BMPER: variants seen among roughly 807,000 people sequenced by gnomAD.
BMPER encodes BMP binding endothelial regulator, also known as BMP-binding endothelial regulator protein.
In BMPER, 45 loss-of-function variants were observed where a neutral mutation model predicts 87.3. The ratio of observed to expected loss-of-function variants is 0.52; its 90% CI spans 0.41 to 0.66. The LOEUF (loss-of-function observed/expected upper bound fraction) is 0.66, where lower values mean the gene tolerates loss of function less well. Ranked by LOEUF, BMPER falls within the 30% of genes least tolerant of loss-of-function variation. The pLI is 0.00. For synonymous variants in BMPER, 326 were observed against 316.2 expected (o/e 1.03, Z -0.33); for missense variants, 784 against 867.5 (o/e 0.90, Z 1.21).
Position 34,074,937 on chromosome 7 carries a change from C to G in BMPER, c.1079-3920C>G, listed in dbSNP as rs868799733. Reference sequence around the variant, plus strand: ...GAAACATGAATGATGCTTTTTCCCCCTTCCTTATGCTTTTATGTTTTTGTT... The same window carrying G: ...GAAACATGAATGATGCTTTTTCCCCGTTCCTTATGCTTTTATGTTTTTGTT... On this transcript the variant is annotated intron_variant, in intron 11 of 14. Transcript: ENST00000649409. Among the ~76,000 whole-genome samples, 148 of 152,210 alleles carry G rather than the reference C, an allele frequency of 9.7e-4. 1 individual carries two copies. In the Middle Eastern group the frequency reaches 0.01, roughly 11 times the overall value.
intron 3 of BMPER, among the ~76,000 whole-genome samples, chr7:33,962,376 T>C (rs778119656): frequency 6.6e-6 from 1 of 152,138 alleles, no homozygotes; most frequent in Non-Finnish European, 1.5e-5. Context: ...AGGCTCATTG[T>C]TGTATTATTT....
In BMPER at chr7:34,143,258, C is replaced by A; in HGVS notation, c.1774C>A (p.Pro592Thr). 1 of 1,614,042 alleles carries A rather than the reference C, an allele frequency of 6.2e-7. No individual in the cohort carries two copies. Among genetic ancestry groups the A allele is most frequent in the Non-Finnish European group, 8.5e-7 (1 of 1,179,970 alleles). Residue 592 changes from proline (P) to threonine (T), a missense_variant, in exon 14 of 15, where the codon CCA (proline) becomes ACA (threonine). By Grantham distance (38) the Pro-to-Thr change is conservative. Transcript: ENST00000649409. ...RSCVTDMCEC[P>T]VHKNCYCESF... ...CTGTGTGACAGACATGTGTGAATGTCCAGTCCATAAAAACTGTTATTGCGA... is the reference window on the plus strand; with the variant it reads ...CTGTGTGACAGACATGTGTGAATGTACAGTCCATAAAAACTGTTATTGCGA...
intron 5 of BMPER, among the ~76,000 whole-genome samples, chr7:33,971,620 A>G (rs927035234): frequency 6.6e-6 from 1 of 152,162 alleles, no homozygotes; most frequent in South Asian, 2.1e-4. Flanking sequence ...TTAGATGCCT[A>G]CAGTATCTTT....
intron 6 of BMPER, among the ~76,000 whole-genome samples, chr7:33,976,197 G>A (rs1362207698): frequency 6.6e-6 from 1 of 151,730 alleles, no homozygotes; most frequent in African/African-American, 2.4e-5. Flanking sequence ...CTGTCTCCCA[G>A]GCTGCAGTGC....
intron 6 of BMPER, among the ~76,000 whole-genome samples, chr7:34,031,255 A>G (rs1470431914): frequency 1.3e-5 from 2 of 152,122 alleles, no homozygotes; most frequent in Non-Finnish European, 2.9e-5. Flanking sequence ...AGGGAACACC[A>G]ATCTGTTTGT....
rs756265693 is a variant in BMPER at position 34,046,377 on chromosome 7, C to T, written c.648C>T (p.Pro216=). Residue 216 remains proline, a synonymous_variant, in exon 7 of 15, where the codon CCC becomes CCT. Transcript: ENST00000649409. ...LSCPQHLSHI[P]PGQCCPKCLG... ...GTCCCCAGCACCTTAGTCACATACC[C>T]CCAGGACAGTGCTGCCCCAAATGTT... The T allele has an allele frequency of 1.2e-6, 2 of 1,613,998 alleles. No homozygotes were observed. The highest frequency in any genetic ancestry group is 8.5e-7 in the Non-Finnish European group (1 of 1,179,934).
chr7:34,046,690 CT>C (rs781571361), intron 7 of BMPER, among the ~76,000 whole-genome samples: 17 of 152,278 alleles, frequency 1.1e-4, no homozygotes, highest in Non-Finnish European at 2.2e-4. Context: ...ATCAAAGAAA[CT>C]ATCTTTAATA....
chr7:34,148,183 T>A (rs1410924599), intron 14 of BMPER, among the ~76,000 whole-genome samples: 1 of 152,122 alleles, frequency 6.6e-6, no homozygotes, highest in African/African-American at 2.4e-5. Flanking sequence ...TACCCCTACC[T>A]TTGTTCCTGC....
In BMPER at chr7:33,927,375, A is replaced by G. The variant is rs1354242253; in HGVS notation, c.220-9914A>G. On this transcript the variant is annotated intron_variant, in intron 2 of 14. Coordinates refer to ENST00000649409, the MANE Select transcript of BMPER (RefSeq NM_001365308.1). The stretch of plus-strand genomic sequence containing the variant: ...CTGATGACAAGAGTGACAACCTTCC[A>G]GGGCTGGCCTCACAGAGATATGGTT... Among the ~76,000 whole-genome samples the G allele has an allele frequency of 2.6e-5, 4 of 152,326 alleles. No homozygotes were observed. The East Asian group carries it at 5.8e-4, about 22-fold the overall frequency.
chr7:34,114,713 T>C (rs1790064967), intron 13 of BMPER, among the ~76,000 whole-genome samples: 1 of 152,186 alleles, frequency 6.6e-6, no homozygotes, highest in Non-Finnish European at 1.5e-5. Flanking sequence ...GAAGGCATCC[T>C]GAGGAAGGTA....
chr7:33,998,319 G>A (rs969829525), intron 6 of BMPER, among the ~76,000 whole-genome samples: 1 of 152,158 alleles, frequency 6.6e-6, no homozygotes, highest in Non-Finnish European at 1.5e-5. Flanking sequence ...CGTTATCCTT[G>A]TTCTGGTTTA....
chr7:34,004,702 T>C (rs1206976804), intron 6 of BMPER, among the ~76,000 whole-genome samples: 2 of 152,150 alleles, frequency 1.3e-5, no homozygotes, highest in Non-Finnish European at 2.9e-5. Flanking sequence ...ATTGACTGGA[T>C]AGAGATTTCC....
chr7:34,014,614 C>T (rs1318764971), intron 6 of BMPER, among the ~76,000 whole-genome samples: 1 of 151,860 alleles, frequency 6.6e-6, no homozygotes, highest in Admixed American at 6.6e-5. Flanking sequence ...TGTGGAATTT[C>T]CTCCCCATCT....
At chr7:34,139,985 G>T (rs1790821784) in intron 13 of BMPER, among the ~76,000 whole-genome samples, 1 of 152,060 alleles carries the variant, frequency 6.6e-6, no homozygotes, top group African/African-American at 2.4e-5. Context: ...ACCTTTCTCT[G>T]GGCTGTGTAT....
chr7:34,013,504 A>T (rs935099551), intron 6 of BMPER, among the ~76,000 whole-genome samples: 17 of 151,936 alleles, frequency 1.1e-4, no homozygotes, highest in Admixed American at 7.2e-4. Context: ...CATTCTTTTT[A>T]AAAATAGCTC....
chr7:34,125,784 T>C (rs1790386448), intron 13 of BMPER, among the ~76,000 whole-genome samples: 1 of 152,210 alleles, frequency 6.6e-6, no homozygotes, highest in Non-Finnish European at 1.5e-5. Context: ...TCAATATTGT[T>C]GTGTTGCTTA....
intron 13 of BMPER, among the ~76,000 whole-genome samples, chr7:34,102,431 T>A (rs1789706029): frequency 6.6e-6 from 1 of 152,186 alleles, no homozygotes; most frequent in Non-Finnish European, 1.5e-5. Flanking sequence ...TCTGTGAAGA[T>A]GCAAATCATT....
intron 13 of BMPER, among the ~76,000 whole-genome samples, chr7:34,130,095 A>G (rs1790543491): frequency 6.6e-6 from 1 of 151,770 alleles, no homozygotes; most frequent in Non-Finnish European, 1.5e-5. Context: ...GTCACCAGTT[A>G]CCCAAACCCT....
chr7:34,033,971 CT>C (rs1787597296), intron 6 of BMPER, among the ~76,000 whole-genome samples: 1 of 152,144 alleles, frequency 6.6e-6, no homozygotes, highest in Non-Finnish European at 1.5e-5. Flanking sequence ...GAATTTTCTT[CT>C]ATTTAACTGG....
Sources: allele counts gnomAD v4.1 joint callset (sites outside exome capture counted in the v4.1 genomes callset), GRCh38; gene constraint gnomAD v4.1.1; transcripts MANE v1.5; gene names NCBI Gene and HGNC (gene_info 2026-07-23, HGNC 2026-07-21).